The following LIN7A variants were observed in gnomAD, a reference collection of about 807,000 sequenced individuals.
LIN7A encodes protein lin-7 homolog A.
A neutral mutation model predicts 29.8 loss-of-function variants in LIN7A; 25 were observed. The ratio of observed to expected loss-of-function variants is 0.84; its 90% CI spans 0.61 to 1.17. LIN7A has a LOEUF of 1.17. Ranked by LOEUF, LIN7A falls within the 50% of genes most tolerant of loss-of-function variation. LIN7A has a pLI of 0.00. For missense variants in LIN7A, 239 were observed against 287.0 expected (o/e 0.83, Z 1.21); for synonymous variants, 118 against 107.5 (o/e 1.10, Z -0.60).
chr12:80,866,206 A>T (rs1920997), intron 2 of LIN7A, among the ~76,000 whole-genome samples: 117,225 of 152,152 alleles, frequency 0.77, 46,045 homozygotes, highest in East Asian at 0.97. Flanking sequence ...TTTACATAAA[A>T]GATACTACAG....
intron 1 of LIN7A, among the ~76,000 whole-genome samples, chr12:80,902,327 G>A (rs917766393): frequency 1.3e-5 from 2 of 151,534 alleles, no homozygotes; most frequent in African/African-American, 2.4e-5. Flanking sequence ...TTTTGCTTAG[G>A]ATTGCTTTGG....
At chr12:80,836,998 G>A (rs913448103) in intron 4 of LIN7A, among the ~76,000 whole-genome samples, 1 of 151,934 alleles carries the variant, frequency 6.6e-6, no homozygotes, top group Non-Finnish European at 1.5e-5. Flanking sequence ...AGGAAGAGGA[G>A]TCTGAATGGC....
chr12:80,893,299 T>C (rs1003654302), intron 1 of LIN7A, among the ~76,000 whole-genome samples: 2 of 152,206 alleles, frequency 1.3e-5, no homozygotes, highest in Non-Finnish European at 2.9e-5. Flanking sequence ...CTCATTGGAA[T>C]CACCCGTGAA....
At chr12:80,937,386 G>C in intron 1 of LIN7A, 1 of 376,800 alleles carries the variant, frequency 2.7e-6, no homozygotes, top group Non-Finnish European at 4.7e-6. Flanking sequence ...GCTGGGAGTG[G>C]CAGCGGGGAC....
At chr12:80,860,339 T>C (rs1038255490) in intron 2 of LIN7A, among the ~76,000 whole-genome samples, 5 of 152,186 alleles carry the variant, frequency 3.3e-5, no homozygotes, top group African/African-American at 1.2e-4. Context: ...TTGACATCAA[T>C]GAAAGAATGG....
chr12:80,907,057 G>C (rs78480492), intron 1 of LIN7A, among the ~76,000 whole-genome samples: 220 of 119,756 alleles, frequency 1.8e-3, no homozygotes, highest in South Asian at 3.3e-3. Flanking sequence ...TGCGTGCTCT[G>C]TGTGTGTGTG....
chr12:80,872,063 A>G (rs1382146639), intron 2 of LIN7A, among the ~76,000 whole-genome samples: 1 of 152,126 alleles, frequency 6.6e-6, no homozygotes, highest in Non-Finnish European at 1.5e-5. Context: ...TATATCTTCA[A>G]ATACTGGACA....
intron 4 of LIN7A, among the ~76,000 whole-genome samples, chr12:80,821,003 G>T (rs1211806727): frequency 6.6e-6 from 1 of 152,178 alleles, no homozygotes; most frequent in African/African-American, 2.4e-5. Flanking sequence ...ATAGGGAAAG[G>T]GTTATGGAAG....
intron 2 of LIN7A, among the ~76,000 whole-genome samples, chr12:80,887,129 T>C (rs1407507533): frequency 6.6e-6 from 1 of 152,132 alleles, no homozygotes; most frequent in Non-Finnish European, 1.5e-5. Flanking sequence ...TAGAGTCTTC[T>C]TTCTTTGACA....
chr12:80,931,410 G>A (rs1877895935), intron 1 of LIN7A, among the ~76,000 whole-genome samples: 2 of 152,154 alleles, frequency 1.3e-5, no homozygotes, highest in African/African-American at 4.8e-5. Context: ...GGAGGCTGAG[G>A]CACGCGCATC....
chr12:80,836,411 C>T (rs564227745), intron 4 of LIN7A, among the ~76,000 whole-genome samples: 2 of 152,334 alleles, frequency 1.3e-5, no homozygotes, highest in South Asian at 4.1e-4. Context: ...AATCCCAGCA[C>T]TTTGGAAGGC....
rs1871258879 is a variant in LIN7A, at chr12:80,810,977, G to A, written c.*488C>T. Among the ~76,000 whole-genome samples, 6 of 152,248 alleles carry A rather than the reference G, an allele frequency of 3.9e-5. No homozygotes were observed. In the South Asian group the frequency reaches 1.2e-3, roughly 32 times the overall value. ...TCTCAGCTTCATTCTTTTCAGTGGG[G>A]CACTTTTCCAATAAATTGTATCTCA... On this transcript the variant is annotated intron_variant, in intron 5 of 5. Coordinates refer to ENST00000552864, the MANE Select transcript of LIN7A (RefSeq NM_004664.4).
chr12:80,932,504 A>T (rs1335067510), intron 1 of LIN7A, among the ~76,000 whole-genome samples: 1 of 152,220 alleles, frequency 6.6e-6, no homozygotes, highest in Non-Finnish European at 1.5e-5. Context: ...AGTAATACCA[A>T]CCTTGTATCT....
intron 1 of LIN7A, among the ~76,000 whole-genome samples, chr12:80,916,497 G>A (rs1877036854): frequency 6.6e-6 from 1 of 152,104 alleles, no homozygotes; most frequent in African/African-American, 2.4e-5. Context: ...TGTTTCCTCT[G>A]ACTGGGCCAT....
chr12:80,837,966 C>T (rs1319400658), intron 4 of LIN7A, among the ~76,000 whole-genome samples: 1 of 151,880 alleles, frequency 6.6e-6, no homozygotes, highest in Non-Finnish European at 1.5e-5. Flanking sequence ...AATTTCTCTA[C>T]AAATAATTGT....
At chr12:80,890,652 G>A (rs1401905012) in intron 1 of LIN7A, among the ~76,000 whole-genome samples, 5 of 152,098 alleles carry the variant, frequency 3.3e-5, no homozygotes, top group South Asian at 2.1e-4. Context: ...ACTGCCAATC[G>A]TGGGCCAAAG....
intron 2 of LIN7A, among the ~76,000 whole-genome samples, chr12:80,850,743 C>T (rs930376080): frequency 6.6e-6 from 1 of 152,106 alleles, no homozygotes; most frequent in Non-Finnish European, 1.5e-5. Flanking sequence ...ACCTTTTCTT[C>T]GTACGTGCAA....
intron 1 of LIN7A, among the ~76,000 whole-genome samples, chr12:80,900,628 TTGATA>T (rs916977766): frequency 1.3e-5 from 2 of 152,192 alleles, no homozygotes; most frequent in Non-Finnish European, 2.9e-5. Context: ...GAGAATGTGG[TTGATA>T]TGATGTTGGT....
intron 4 of LIN7A, among the ~76,000 whole-genome samples, chr12:80,821,067 C>T (rs1871783863): frequency 6.6e-6 from 1 of 152,238 alleles, no homozygotes; most frequent in Admixed American, 6.5e-5. Flanking sequence ...CCCCCATACT[C>T]ACCCCATTAC....
Sources: allele counts gnomAD v4.1 joint callset (sites outside exome capture counted in the v4.1 genomes callset), GRCh38; gene constraint gnomAD v4.1.1; transcripts MANE v1.5; gene names NCBI Gene and HGNC (gene_info 2026-07-23, HGNC 2026-07-21).